The following CPD variants were observed in gnomAD, a reference collection of about 807,000 sequenced individuals.
CPD encodes the protein carboxypeptidase D, also known as metallocarboxypeptidase D.
In CPD, 69 loss-of-function variants were observed where a neutral mutation model predicts 138.3. That is an observed-to-expected ratio of 0.50 (90% confidence interval 0.41 to 0.61). The LOEUF is 0.61. Ranked by LOEUF, CPD falls within the 20% of genes least tolerant of loss-of-function variation. The probability of loss-of-function intolerance (pLI) is 0.00; values close to 1 mark genes in which losing one functional copy is unlikely to be tolerated. For synonymous variants in CPD, 651 were observed against 642.1 expected, an observed-to-expected ratio of 1.01 and a Z score of -0.21; for missense variants, 1,432 against 1,733.3, an observed-to-expected ratio of 0.83 and a Z score of 3.09.
chr17:30,422,703 T>C lies in CPD; in HGVS notation c.1337T>C (p.Val446Ala). The change falls in exon 5 of 21, where the codon GTG becomes GCG. Residue 446 changes from valine (V) to alanine (A), a missense_variant. By Grantham distance (64) the Val-to-Ala change is moderately conservative. Around this residue, in one of 6 missense-constraint regions of CPD, gnomAD observed 160 missense variants for 197.9 expected, o/e 0.81. Transcript: ENST00000225719. ...ATGCCATTGACTGTTACTAATGTAGTGGTGAAAGAAGGACCAGCCACAGAG... is the reference window on the plus strand; with the variant it reads ...ATGCCATTGACTGTTACTAATGTAGCGGTGAAAGAAGGACCAGCCACAGAG... ...GYMPLTVTNVVVKEGPATEVD... is the reference protein window; with the variant it reads ...GYMPLTVTNVAVKEGPATEVD... The C allele has an allele frequency of 6.2e-7, 1 of 1,613,162 alleles. No homozygotes were observed. The highest frequency in any genetic ancestry group is 1.7e-5 in the Admixed American group (1 of 59,906).
intron 15 of CPD, chr17:30,455,755 TAA>T (rs1913276765): frequency 6.5e-6 from 2 of 306,216 alleles, no homozygotes; most frequent in Non-Finnish European, 1.2e-5. Flanking sequence ...ATTGAGAATA[TAA>T]AAGTGAGTAT....
chr17:30,402,807 TA>T (rs1911709887), intron 2 of CPD, among the ~76,000 whole-genome samples: 1 of 152,158 alleles, frequency 6.6e-6, no homozygotes, highest in African/African-American at 2.4e-5. Flanking sequence ...TAAATCCTAT[TA>T]AAACATAATA....
chr17:30,429,104 G>C (rs1407227459), intron 7 of CPD, among the ~76,000 whole-genome samples: 9 of 152,090 alleles, frequency 5.9e-5, no homozygotes, highest in Non-Finnish European at 1.0e-4. Context: ...GTAGAAAAAA[G>C]TACTTCTACA....
In CPD at chr17:30,465,428, A is replaced by G. The variant is rs1913610183; in HGVS notation, c.*614A>G. 1.3e-5 allele frequency: 2 copies of G among 152,872 alleles called. No homozygotes were observed. The highest frequency in any genetic ancestry group is 4.8e-5 in the African/African-American group (2 of 41,444). 9.5% of individuals were successfully genotyped at this position (152,872 alleles called of 1,614,324 possible). A position where few individuals can be genotyped will look rare whatever the true frequency, so the allele number is the denominator to read the frequency against. On this transcript the variant is annotated 3_prime_UTR_variant, in exon 21 of 21. Coordinates refer to ENST00000225719, the MANE Select transcript of CPD (RefSeq NM_001304.5). Reference sequence around the variant, plus strand: ...AAGGCTAGATCGGAACTGGTAGACTACGCTGTAAGCAGGATTTCACTACCT... The same window carrying G: ...AAGGCTAGATCGGAACTGGTAGACTGCGCTGTAAGCAGGATTTCACTACCT...
intron 8 of CPD, among the ~76,000 whole-genome samples, chr17:30,434,133 G>C (rs1912638738): frequency 1.3e-5 from 2 of 152,144 alleles, no homozygotes; most frequent in Non-Finnish European, 2.9e-5. Flanking sequence ...AGTCTTGGGA[G>C]ACATCTGAGC....
rs772653682 is a variant in CPD at position 30,449,748 on chromosome 17, A to T, written c.3069A>T (p.Gln1023His). 1 of 1,553,814 alleles carries T rather than the reference A, an allele frequency of 6.4e-7. No individual in the cohort carries two copies. The highest frequency in any genetic ancestry group is 1.2e-5 in the South Asian group (1 of 81,154). ...ACAAAAAGAACCCAGCTGTTACCCA[A>T]GTAAGAGAATAGCCGAGGTTGACAT... is the stretch of plus-strand genomic sequence containing the variant. ...LNYKKNPAVTQLVDRTRIVIV... is the reference protein window; with the variant it reads ...LNYKKNPAVTHLVDRTRIVIV... Residue 1023 changes from glutamine to histidine, a missense_variant and splice_region_variant, in exon 13 of 21, where the codon CAA becomes CAT. Transcript: ENST00000225719.
intron 2 of CPD, among the ~76,000 whole-genome samples, chr17:30,419,269 A>G (rs1282441443): frequency 6.6e-6 from 1 of 152,208 alleles, no homozygotes; most frequent in Non-Finnish European, 1.5e-5. Context: ...ACCTTTCTCC[A>G]GAAACAGGTT....
chr17:30,446,062 A>T (rs747677920), intron 12 of CPD, 42 bp downstream of exon 12: 7 of 1,373,752 alleles, frequency 5.1e-6, no homozygotes, highest in Non-Finnish European at 7.0e-6. Context: ...TTTTCAAGAC[A>T]GTAAAATCAG....
chr17:30,390,571 C>A (rs1330787952), intron 2 of CPD, among the ~76,000 whole-genome samples: 1 of 152,158 alleles, frequency 6.6e-6, no homozygotes, highest in Non-Finnish European at 1.5e-5. Flanking sequence ...GAAACAACTC[C>A]TGCTCTGAGG....
Position 30,384,969 on chromosome 17 carries a change from A to T in CPD, c.747-20A>T. ...TTGTGTCCTTTTTTAGTGATACGTG[A>T]TTTGGTTGTATTTTCAAAGGTTTGT... On this transcript the variant is annotated intron_variant, in intron 1 of 20. Coordinates refer to ENST00000225719, the MANE Select transcript of CPD (RefSeq NM_001304.5). 6.2e-7 allele frequency: 1 copy of T among 1,604,614 alleles called. No individual in the cohort carries two copies. The highest frequency in any genetic ancestry group is 8.5e-7 in the Non-Finnish European group (1 of 1,174,324).
At position 30,423,036 on chromosome 17, in the gene CPD, G is replaced by A; in HGVS notation, c.1657+13G>A. 6.4e-7 allele frequency: 1 copy of A among 1,569,856 alleles called. No homozygotes were observed. Among genetic ancestry groups the A allele is most frequent in the Non-Finnish European group, 8.7e-7 (1 of 1,149,376 alleles). The stretch of plus-strand genomic sequence containing the variant: ...GTCCATGAACCAGGTAATTGGTATG[G>A]TCTTACACATAATTTCAGTAGTGCC... On this transcript the variant is annotated intron_variant, in intron 5 of 20. Coordinates refer to ENST00000225719, the MANE Select transcript of CPD (RefSeq NM_001304.5).
chr17:30,415,636 A>G (rs557206972), intron 2 of CPD, among the ~76,000 whole-genome samples: 2 of 152,358 alleles, frequency 1.3e-5, no homozygotes, highest in East Asian at 3.9e-4. Context: ...GAAGATATAC[A>G]CATGGCCAAC....
At chr17:30,386,368 G>A (rs990890077) in intron 2 of CPD, among the ~76,000 whole-genome samples, 1 of 151,968 alleles carries the variant, frequency 6.6e-6, no homozygotes, top group African/African-American at 2.4e-5. Flanking sequence ...TTTTCCTTTT[G>A]TATTTTAATC....
At chr17:30,460,868 T>C (rs1002114640) in intron 17 of CPD, among the ~76,000 whole-genome samples, 2 of 152,214 alleles carry the variant, frequency 1.3e-5, no homozygotes, top group Non-Finnish European at 2.9e-5. Context: ...CTCTTCTGCA[T>C]GTACTCATTC....
At chr17:30,411,497 A>G (rs537092329) in intron 2 of CPD, among the ~76,000 whole-genome samples, 2 of 152,148 alleles carry the variant, frequency 1.3e-5, no homozygotes, top group Non-Finnish European at 1.5e-5. Flanking sequence ...AGGTACACCA[A>G]TCAAATGTAG....
In CPD at chr17:30,469,118, CAAT is replaced by C. The variant is rs1913721313; in HGVS notation, c.*4305_*4307del. The C allele has an allele frequency of 6.6e-6, 1 of 152,148 alleles. No individual in the cohort carries two copies. The highest frequency in any genetic ancestry group is 2.1e-4 in the South Asian group (1 of 4,834). The allele number at this position is 152,148 out of a possible 1,614,324, so 9.4% of individuals were successfully genotyped here. ...TCAATATCCCCTTTTCACTTAGCAACAATGTGTTACTTCTACCCTAATAGGAAT... is the reference window on the plus strand; with the variant it reads ...TCAATATCCCCTTTTCACTTAGCAACGTGTTACTTCTACCCTAATAGGAAT... On this transcript the variant is annotated 3_prime_UTR_variant, in exon 21 of 21. Transcript: ENST00000225719.
In CPD at chr17:30,445,417, A is replaced by G. The variant is rs773673442; in HGVS notation, c.2544-274A>G. Among the ~76,000 whole-genome samples the G allele has an allele frequency of 2.0e-5, 3 of 152,140 alleles. 1 individual carries two copies. Among genetic ancestry groups the G allele is most frequent in the African/African-American group, 7.2e-5 (3 of 41,418 alleles). ...GAGGCGGAGGTTGCAGTGAACTGAG[A>G]TGGTGCCACTGCACTCCAGCCTGGG... is the stretch of plus-strand genomic sequence containing the variant. On this transcript the variant is annotated intron_variant, in intron 11 of 20. Coordinates refer to ENST00000225719, the MANE Select transcript of CPD (RefSeq NM_001304.5).
intron 6 of CPD, among the ~76,000 whole-genome samples, chr17:30,425,728 T>C (rs1437684197): frequency 6.6e-6 from 1 of 151,940 alleles, no homozygotes; most frequent in Non-Finnish European, 1.5e-5. Context: ...ATAATGTCAT[T>C]ATATGTGGAT....
Position 30,461,329 on chromosome 17 carries a change from A to G in CPD, c.3630+18A>G, listed in dbSNP as rs759636401. The stretch of plus-strand genomic sequence containing the variant: ...TAGTGGAGGTGAGTCTTTTCCTTTT[A>G]ACTAGAGGCAAACTCCCAGGAATAT... On this transcript the variant is annotated intron_variant, in intron 18 of 20. Coordinates refer to ENST00000225719, the MANE Select transcript of CPD (RefSeq NM_001304.5). 1 of 1,536,884 alleles carries G rather than the reference A, an allele frequency of 6.5e-7. No homozygotes were observed. The highest frequency in any genetic ancestry group is 2.3e-5 in the East Asian group (1 of 42,586).
Sources: gnomAD v4.1 joint callset for allele counts (sites outside exome capture counted in the v4.1 genomes callset) on GRCh38, gnomAD v4.1.1 for gene constraint, gnomAD v4.1.1 regional missense constraint, MANE v1.5 for transcripts, NCBI Gene and HGNC (gene_info 2026-07-23, HGNC 2026-07-21) for gene names.